Variants in ARL5A observed in about 807,000 individuals in gnomAD.
The protein encoded by ARL5A is ADP-ribosylation factor-like protein 5A.
ARL5A carries 18 observed loss-of-function variants against 25.9 expected under a neutral mutation model. The observed-to-expected ratio is 0.69, with a 90% CI of 0.48 to 1.03. The LOEUF (loss-of-function observed/expected upper bound fraction) is 1.03, where lower values mean the gene tolerates loss of function less well. ARL5A is among the 50% of genes least tolerant of loss of function. ARL5A has a pLI of 0.00. For missense variants in ARL5A, 170 were observed against 211.9 expected (o/e 0.80, Z 1.23); for synonymous variants, 61 against 67.5 (o/e 0.90, Z 0.47).
At chr2:151,806,292 C>T (rs1272397120) in intron 5 of ARL5A, among the ~76,000 whole-genome samples, 1 of 152,166 alleles carries the variant, frequency 6.6e-6, no homozygotes, top group East Asian at 1.9e-4. Context: ...CTCTCCAATT[C>T]CCCCAATCCT....
rs1456715308 is a variant in ARL5A at position 151,800,518 on chromosome 2, T to A, written c.*2758A>T. The A allele has an allele frequency of 6.6e-6, 1 of 152,246 alleles. No individual in the cohort carries two copies. The highest frequency in any genetic ancestry group is 6.5e-5 in the Admixed American group (1 of 15,284). 9.4% of individuals were successfully genotyped at this position (152,246 alleles called of 1,614,324 possible). ...CCAGCCATCAGTGCTAAAGCACTTT[T>A]ATATTCTTAAGGCAAAATGTCACAT... On this transcript the variant is annotated 3_prime_UTR_variant, in exon 6 of 6. Coordinates refer to ENST00000295087, the MANE Select transcript of ARL5A (RefSeq NM_012097.4).
rs1305826684 is a variant in ARL5A at position 151,828,182 on chromosome 2, G to A, written c.-6C>T. 6.6e-7 allele frequency: 1 copy of A among 1,516,416 alleles called. No individual in the cohort carries two copies. The allele number at this position is 1,516,416 out of a possible 1,614,324, so 93.9% of individuals were successfully genotyped here. ...CTAGTGAAGAGAATTCCCATTCTCGGGCAGCGGACCCCCCCCCTCCAGACA... is the reference window on the plus strand; with the variant it reads ...CTAGTGAAGAGAATTCCCATTCTCGAGCAGCGGACCCCCCCCCTCCAGACA... On this transcript the variant is annotated 5_prime_UTR_variant, in exon 1 of 6. Coordinates refer to ENST00000295087, the MANE Select transcript of ARL5A (RefSeq NM_012097.4).
chr2:151,812,513 G>T, intron 3 of ARL5A, 73 bp from the exon 4 acceptor site: 3 of 929,802 alleles, frequency 3.2e-6, no homozygotes, highest in South Asian at 4.0e-5. Context: ...GTGTTTATTT[G>T]ACATACAGGC....
rs1404448310 is a variant in ARL5A at position 151,828,147 on chromosome 2, T to C, written c.30A>G (p.Arg10=). Residue 10 remains arginine, a synonymous_variant, in exon 1 of 6, where the codon AGA becomes AGG. Transcript: ENST00000295087. ...GCTCCTCACCCTGGTGATTGAACAG[T>C]CTCCATATTCTAGTGAAGAGAATTC... MGILFTRIW[R]LFNHQEHKVI... The C allele has an allele frequency of 6.2e-7, 1 of 1,607,694 alleles. No homozygotes were observed. The highest frequency in any genetic ancestry group is 8.5e-7 in the Non-Finnish European group (1 of 1,177,192).
In ARL5A at chr2:151,812,704, C is replaced by A. The variant is rs72866497; in HGVS notation, c.256-264G>T. On this transcript the variant is annotated intron_variant, in intron 3 of 5. Coordinates refer to ENST00000295087, the MANE Select transcript of ARL5A (RefSeq NM_012097.4). ...GCATGTCTGTTTTCTAAACTAGTAT[C>A]TTGAATGCTAATGGACCTATATCTA... 7.6e-3 allele frequency among the ~76,000 whole-genome samples: 1,150 copies of A among 152,140 alleles called. 4 individuals carry two copies. The highest frequency in any genetic ancestry group is 0.02 in the Middle Eastern group (6 of 294).
chr2:151,805,103 T>C (rs2099829918), intron 5 of ARL5A, among the ~76,000 whole-genome samples: 1 of 152,170 alleles, frequency 6.6e-6, no homozygotes, highest in Non-Finnish European at 1.5e-5. Context: ...TATAAATCCA[T>C]GCTTTTGCTT....
At chr2:151,813,106 C>G (rs911504682) in intron 3 of ARL5A, among the ~76,000 whole-genome samples, 8 of 152,186 alleles carry the variant, frequency 5.3e-5, no homozygotes, top group African/African-American at 1.7e-4. Context: ...TCAGCAGGAA[C>G]AGATGGAGAT....
intron 4 of ARL5A, among the ~76,000 whole-genome samples, chr2:151,810,901 A>G (rs775384579): frequency 5.9e-5 from 9 of 152,252 alleles, no homozygotes; most frequent in Non-Finnish European, 8.8e-5. Flanking sequence ...CCTTTGGAAT[A>G]AACTGAAAAA....
intron 4 of ARL5A, among the ~76,000 whole-genome samples, chr2:151,811,604 C>T (rs1313827777): frequency 6.6e-6 from 1 of 152,058 alleles, no homozygotes; most frequent in Admixed American, 6.5e-5. Flanking sequence ...GACAAGGTCT[C>T]ACTCTGTCAC....
chr2:151,815,975 T>A (rs2099831446), intron 1 of ARL5A, among the ~76,000 whole-genome samples: 1 of 152,160 alleles, frequency 6.6e-6, no homozygotes, highest in South Asian at 2.1e-4. Context: ...TGGTAGAAGC[T>A]AGTGTCCAAG....
intron 5 of ARL5A, among the ~76,000 whole-genome samples, chr2:151,806,421 T>C (rs980096678): frequency 6.6e-6 from 1 of 152,174 alleles, no homozygotes. Flanking sequence ...AATTACTCTG[T>C]AGGACTGTTA....
intron 1 of ARL5A, among the ~76,000 whole-genome samples, chr2:151,824,024 C>T (rs745895156): frequency 6.6e-6 from 1 of 152,190 alleles, no homozygotes; most frequent in African/African-American, 2.4e-5. Context: ...AAAAGAAAAA[C>T]GTTTAAAGGA....
At chr2:151,821,569 C>G (rs564898611) in intron 1 of ARL5A, among the ~76,000 whole-genome samples, 1 of 152,146 alleles carries the variant, frequency 6.6e-6, no homozygotes, top group East Asian at 1.9e-4. Context: ...CCTCCCAAGA[C>G]GTAGCTCTAT....
chr2:151,816,161 T>A (rs899284323), intron 1 of ARL5A, among the ~76,000 whole-genome samples: 3 of 152,142 alleles, frequency 2.0e-5, no homozygotes, highest in African/African-American at 4.8e-5. Context: ...CCTCCTAGGG[T>A]AAGTCAGATA....
chr2:151,820,911 G>T (rs1488936449), intron 1 of ARL5A, among the ~76,000 whole-genome samples: 1 of 152,088 alleles, frequency 6.6e-6, no homozygotes, highest in Non-Finnish European at 1.5e-5. Flanking sequence ...AACAAGAGGA[G>T]AGAAATTAGC....
chr2:151,804,284 G>A (rs531487170), intron 5 of ARL5A, among the ~76,000 whole-genome samples: 2 of 152,092 alleles, frequency 1.3e-5, no homozygotes, highest in East Asian at 1.9e-4. Context: ...TATAGAAAAC[G>A]ATGTTCACTG....
At chr2:151,807,005 A>G in intron 4 of ARL5A, 33 bp from the exon 5 acceptor site, 1 of 1,536,362 alleles carries the variant, frequency 6.5e-7, no homozygotes, top group Non-Finnish European at 8.8e-7. Context: ...AAAGGCCAAT[A>G]CATTTTCCAC....
At chr2:151,813,183 T>C (rs138506183) in intron 3 of ARL5A, among the ~76,000 whole-genome samples, 97 of 152,330 alleles carry the variant, frequency 6.4e-4, no homozygotes, top group African/African-American at 2.3e-3. Flanking sequence ...ATTAGTAACA[T>C]GCACTATTTA....
chr2:151,811,463 T>A (rs975225803), intron 4 of ARL5A, among the ~76,000 whole-genome samples: 2 of 152,138 alleles, frequency 1.3e-5, no homozygotes, highest in African/African-American at 4.8e-5. Context: ...AGTATAATGT[T>A]ATAGTTATCA....
Sources: gnomAD v4.1 joint callset for allele counts (sites outside exome capture counted in the v4.1 genomes callset) on GRCh38, gnomAD v4.1.1 for gene constraint, MANE v1.5 for transcripts, NCBI Gene and HGNC (gene_info 2026-07-23, HGNC 2026-07-21) for gene names.